The following SLC22A23 variants were observed in gnomAD, a reference collection of about 807,000 sequenced individuals.
SLC22A23 encodes solute carrier family 22 member 23.
SLC22A23 carries 26 observed loss-of-function variants against 61.0 expected under a neutral mutation model. The observed-to-expected ratio is 0.43, with a 90% CI of 0.31 to 0.59. The LOEUF is 0.59. Ranked by LOEUF, SLC22A23 falls within the 20% of genes least tolerant of loss-of-function variation. The probability of loss-of-function intolerance (pLI) is 0.11; values close to 1 mark genes in which losing one functional copy is unlikely to be tolerated. For missense variants in SLC22A23, 796 were observed against 934.7 expected, an observed-to-expected ratio of 0.85 and a Z score of 1.94; for synonymous variants, 430 against 413.9, an observed-to-expected ratio of 1.04 and a Z score of -0.47.
At chr6:3,423,897 G>T (rs1051137404) in intron 1 of SLC22A23, among the ~76,000 whole-genome samples, 11 of 152,076 alleles carry the variant, frequency 7.2e-5, no homozygotes, top group African/African-American at 2.7e-4. Flanking sequence ...GAGCCTCAGG[G>T]GATCTCTGAA....
In SLC22A23 at chr6:3,395,129, G is replaced by A. The variant is rs559867433; in HGVS notation, c.913+15059C>T. On this transcript the variant is annotated intron_variant, in intron 3 of 9. Coordinates refer to ENST00000406686, the MANE Select transcript of SLC22A23 (RefSeq NM_015482.2). ...GTCTACAGAAGTTTTAAAATCGTAT[G>A]CTCTCATGTCAGTGAAAAACTTAGT... 4.6e-5 allele frequency among the ~76,000 whole-genome samples: 7 copies of A among 152,314 alleles called. 1 individual carries two copies. Among genetic ancestry groups the A allele is most frequent in the African/African-American group, 1.7e-4 (7 of 41,574 alleles).
chr6:3,415,871 T>A lies in SLC22A23; in HGVS notation c.655-16A>T. ...CAAGATCCCACTAGAGAGGGGCAAATAGAAAATAAATCAGAGAGAAACATA... is the reference window on the plus strand; with the variant it reads ...CAAGATCCCACTAGAGAGGGGCAAAAAGAAAATAAATCAGAGAGAAACATA... On this transcript the variant is annotated splice_polypyrimidine_tract_variant and intron_variant, in intron 1 of 9. Transcript: ENST00000406686. 6.6e-7 allele frequency: 1 copy of A among 1,517,476 alleles called. No homozygotes were observed. Among genetic ancestry groups the A allele is most frequent in the East Asian group, 2.4e-5 (1 of 40,838 alleles). 94.0% of individuals were successfully genotyped at this position (1,517,476 alleles called of 1,614,324 possible). A position where few individuals can be genotyped will look rare whatever the true frequency, so the allele number is the denominator to read the frequency against.
intron 3 of SLC22A23, among the ~76,000 whole-genome samples, chr6:3,357,083 A>C (rs1410473824): frequency 1.5e-5 from 2 of 130,488 alleles, no homozygotes; most frequent in Admixed American, 7.7e-5. Flanking sequence ...AAAAAAAAAA[A>C]ACCCAAAACA....
rs2127464750 is a variant in SLC22A23 at position 3,372,803 on chromosome 6, T to C, written c.913+37385A>G. Among the ~76,000 whole-genome samples, 1 of 152,364 alleles carries C rather than the reference T, an allele frequency of 6.6e-6. No homozygotes were observed. The highest frequency in any genetic ancestry group is 1.5e-5 in the Non-Finnish European group (1 of 68,030). ...ACTTGTTTTTATTTCACAATGTCGA[T>C]CTCAAATCTCTTTCTCTTCATTATA... On this transcript the variant is annotated intron_variant, in intron 3 of 9. Transcript: ENST00000406686. This position sits in a 1 kb window ranked among gnomAD's most constrained non-coding sequence, Gnocchi z 4.7.
chr6:3,294,060 G>A (rs115099623), intron 5 of SLC22A23, among the ~76,000 whole-genome samples: 3,325 of 152,244 alleles, frequency 0.022, 121 homozygotes, highest in African/African-American at 0.076. Context: ...TGCATTTGCC[G>A]TCCTTCCCCT....
Position 3,360,936 on chromosome 6 carries a change from T to C in SLC22A23, c.914-36934A>G, listed in dbSNP as rs1233788477. On this transcript the variant is annotated intron_variant, in intron 3 of 9. Transcript: ENST00000406686. This position sits in a 1 kb window ranked among gnomAD's most constrained non-coding sequence, Gnocchi z 4.6. The stretch of plus-strand genomic sequence containing the variant: ...AGAAGGTCAGAGCGTGGTACTGGGG[T>C]GACGAGAGGCGCTAGCGAACATCAG... Among the ~76,000 whole-genome samples, 1 of 151,940 alleles carries C rather than the reference T, an allele frequency of 6.6e-6. No homozygotes were observed. The highest frequency in any genetic ancestry group is 1.5e-5 in the Non-Finnish European group (1 of 67,964).
intron 3 of SLC22A23, among the ~76,000 whole-genome samples, chr6:3,363,799 T>C (rs1765632465): frequency 1.3e-5 from 2 of 152,278 alleles, no homozygotes; most frequent in South Asian, 4.1e-4. Context: ...AGCCATCTAC[T>C]ACATGGTTAC....
At chr6:3,413,912 C>T (rs1769464784) in intron 2 of SLC22A23, among the ~76,000 whole-genome samples, 1 of 152,226 alleles carries the variant, frequency 6.6e-6, no homozygotes, top group Non-Finnish European at 1.5e-5. Context: ...ATTCCCGGGG[C>T]ACCCCCTCAA....
chr6:3,331,209 A>G (rs1581702056), intron 3 of SLC22A23, among the ~76,000 whole-genome samples: 1 of 152,224 alleles, frequency 6.6e-6, no homozygotes, highest in South Asian at 2.1e-4. Flanking sequence ...GTATTACCCC[A>G]TATCTCTGCT....
chr6:3,443,767 T>C (rs1771739278), intron 1 of SLC22A23, among the ~76,000 whole-genome samples: 1 of 152,110 alleles, frequency 6.6e-6, no homozygotes, highest in Non-Finnish European at 1.5e-5. Context: ...GGAATCAGAT[T>C]TGCACCCAGG....
intron 1 of SLC22A23, among the ~76,000 whole-genome samples, chr6:3,423,807 C>G (rs981101883): frequency 5.3e-5 from 8 of 152,340 alleles, no homozygotes; most frequent in African/African-American, 1.9e-4. Flanking sequence ...AGTGTGTCAA[C>G]AGAGCCGGAC....
chr6:3,355,940 GT>G (rs976553491), intron 3 of SLC22A23, among the ~76,000 whole-genome samples: 2 of 136,888 alleles, frequency 1.5e-5, no homozygotes, highest in Non-Finnish European at 1.6e-5. Flanking sequence ...TTTGTAGGAA[GT>G]TTTTTTTTAA....
At chr6:3,345,428 G>A (rs1168384985) in intron 3 of SLC22A23, among the ~76,000 whole-genome samples, 3 of 144,890 alleles carry the variant, frequency 2.1e-5, no homozygotes, top group South Asian at 2.2e-4. Context: ...GCAGTGGTAC[G>A]AACTGTGGCT....
chr6:3,410,631 A>G lies in SLC22A23; in HGVS notation c.759-289T>C, dbSNP rs1441174200. Among the ~76,000 whole-genome samples the G allele has an allele frequency of 6.6e-6, 1 of 152,154 alleles. No homozygotes were observed. Among genetic ancestry groups the G allele is most frequent in the Non-Finnish European group, 1.5e-5 (1 of 68,026 alleles). On this transcript the variant is annotated intron_variant, in intron 2 of 9. Transcript: ENST00000406686. The surrounding 1 kb of genome is among the most constrained non-coding windows in gnomAD (Gnocchi z 5.0). ...TGTTGCTGAGTCTATTTCTGAGTGTATAGTGATATAATTCAAGGCAAGGGG... is the reference window on the plus strand; with the variant it reads ...TGTTGCTGAGTCTATTTCTGAGTGTGTAGTGATATAATTCAAGGCAAGGGG...
At chr6:3,384,500 G>C (rs1767162473) in intron 3 of SLC22A23, among the ~76,000 whole-genome samples, 1 of 152,110 alleles carries the variant, frequency 6.6e-6, no homozygotes, top group Non-Finnish European at 1.5e-5. Flanking sequence ...ATGATACAAA[G>C]AAAATAAATC....
chr6:3,337,256 C>G (rs114543339), intron 3 of SLC22A23, among the ~76,000 whole-genome samples: 21 of 152,296 alleles, frequency 1.4e-4, no homozygotes, highest in Admixed American at 3.9e-4. Flanking sequence ...TGGAGCAAAT[C>G]GCCAGCCCAC....
At position 3,318,911 on chromosome 6, in the gene SLC22A23, T is replaced by A. The variant is rs148660229; in HGVS notation, c.1082+4923A>T. ...ACCTTTGAGAGTCACCTCAGATCCA[T>A]CAGCAAGTCTCACCAGGGCCACTCT... On this transcript the variant is annotated intron_variant, in intron 4 of 9. Transcript: ENST00000406686. The surrounding 1 kb of genome is among the most constrained non-coding windows in gnomAD (Gnocchi z 4.3). Among the ~76,000 whole-genome samples, 126 of 152,224 alleles carry A rather than the reference T, an allele frequency of 8.3e-4. 1 individual carries two copies. Among genetic ancestry groups the A allele is most frequent in the African/African-American group, 2.9e-3 (122 of 41,532 alleles).
At chr6:3,282,609 CATT>C (rs1759572718) in intron 9 of SLC22A23, among the ~76,000 whole-genome samples, 1 of 152,228 alleles carries the variant, frequency 6.6e-6, no homozygotes, top group South Asian at 2.1e-4. Context: ...CCAAGGGTGT[CATT>C]ATGCGGACAC....
chr6:3,439,654 C>G (rs989161861), intron 1 of SLC22A23, among the ~76,000 whole-genome samples: 12 of 152,316 alleles, frequency 7.9e-5, no homozygotes, highest in African/African-American at 2.9e-4. Context: ...TAGAATTAAG[C>G]CATCCAACCT....
Sources: gnomAD v4.1 joint callset for allele counts (sites outside exome capture counted in the v4.1 genomes callset) on GRCh38, gnomAD v4.1.1 for gene constraint, Gnocchi (gnomAD v3.1) non-coding constraint, MANE v1.5 for transcripts, NCBI Gene and HGNC (gene_info 2026-07-23, HGNC 2026-07-21) for gene names.